Variants in JADE1 observed in about 807,000 individuals in gnomAD.
JADE1 encodes jade family PHD finger 1.
A neutral mutation model predicts 81.8 loss-of-function variants in JADE1; 14 were observed. The ratio of observed to expected loss-of-function variants is 0.17; its 90% CI spans 0.11 to 0.27. The LOEUF (loss-of-function observed/expected upper bound fraction) is 0.27. Among genes scored for constraint, JADE1 ranks in the 10% least tolerant of loss-of-function variants. The pLI is 1.00. For missense variants in JADE1, 690 were observed against 1,047.9 expected (o/e 0.66, Z 4.71); for synonymous variants, 353 against 391.9 (o/e 0.90, Z 1.17).
At chr4:128,844,970 G>C (rs1222089781) in intron 3 of JADE1, among the ~76,000 whole-genome samples, 1 of 152,210 alleles carries the variant, frequency 6.6e-6, no homozygotes, top group African/African-American at 2.4e-5. Context: ...ACTGTGCTTA[G>C]TAGCACAAGA....
At chr4:128,830,650 T>G (rs1372308599) in intron 1 of JADE1, among the ~76,000 whole-genome samples, 1 of 152,240 alleles carries the variant, frequency 6.6e-6, no homozygotes, top group Non-Finnish European at 1.5e-5. Context: ...CCATACTTTT[T>G]CTCACTTGAA....
In JADE1 at chr4:128,825,449, C is replaced by G. The variant is rs115956741; in HGVS notation, c.-26-6284C>G. Among the ~76,000 whole-genome samples the G allele has an allele frequency of 4.8e-3, 731 of 152,340 alleles. 5 individuals are homozygous for G. The highest frequency in any genetic ancestry group is 8.7e-3 in the Non-Finnish European group (594 of 68,026). On this transcript the variant is annotated intron_variant, in intron 1 of 10. Coordinates refer to ENST00000226319, the MANE Select transcript of JADE1 (RefSeq NM_199320.4). ...GCCCAGGTCACTGAACTTGTTCGCT[C>G]AAATTCCTGAGCCACCCTAGGGATG...
chr4:128,865,387 C>G (rs1368710486), intron 9 of JADE1, among the ~76,000 whole-genome samples: 1 of 152,096 alleles, frequency 6.6e-6, no homozygotes, highest in Admixed American at 6.5e-5. Context: ...AAGGGATGAT[C>G]AGGTTTAAGG....
intron 1 of JADE1, among the ~76,000 whole-genome samples, chr4:128,829,964 G>A (rs1229497224): frequency 3.3e-5 from 5 of 151,238 alleles, no homozygotes; most frequent in Admixed American, 6.6e-5. Context: ...TCCAACCTCC[G>A]CCTCCCGGGT....
At chr4:128,839,986 A>G in intron 2 of JADE1, among the ~76,000 whole-genome samples, 1 of 152,208 alleles carries the variant, frequency 6.6e-6, no homozygotes, top group East Asian at 1.9e-4. Context: ...TATTGTATCA[A>G]CACTAGGTAA....
At chr4:128,831,675 A>G in intron 1 of JADE1, 58 bp from the exon 2 acceptor site, 1 of 1,483,410 alleles carries the variant, frequency 6.7e-7, no homozygotes, top group Non-Finnish European at 9.4e-7. Flanking sequence ...CATCTGAAGC[A>G]CAACTTGATG....
chr4:128,860,952 T>C (rs959828230), intron 8 of JADE1, among the ~76,000 whole-genome samples: 2 of 152,210 alleles, frequency 1.3e-5, no homozygotes, highest in African/African-American at 4.8e-5. Flanking sequence ...TTTCCCTACC[T>C]TTCCTGTGCT....
rs1302197036 is a variant in JADE1 at position 128,873,768 on chromosome 4, C to CTGTT, written c.*1508_*1511dup. ...TCAGATTCCTGATTCATTTATACAT[C>CTGTT]TGTTTCCATATGGCAGGGACATTAT... is the stretch of plus-strand genomic sequence containing the variant. On this transcript the variant is annotated 3_prime_UTR_variant, in exon 11 of 11. Transcript: ENST00000226319. 6.6e-6 allele frequency: 1 copy of CTGTT among 152,472 alleles called. No individual in the cohort carries two copies. Among genetic ancestry groups the CTGTT allele is most frequent in the African/African-American group, 2.4e-5 (1 of 41,442 alleles). 9.4% of individuals were successfully genotyped at this position (152,472 alleles called of 1,614,324 possible). A position where few individuals can be genotyped will look rare whatever the true frequency, so the allele number is the denominator to read the frequency against.
intron 1 of JADE1, among the ~76,000 whole-genome samples, chr4:128,830,933 C>T (rs1365276465): frequency 1.3e-5 from 2 of 152,120 alleles, no homozygotes; most frequent in African/African-American, 2.4e-5. Flanking sequence ...TGGCCAGGTG[C>T]GCTGGGTCTT....
chr4:128,815,387 A>G (rs894736111), intron 1 of JADE1, among the ~76,000 whole-genome samples: 1 of 152,228 alleles, frequency 6.6e-6, no homozygotes, highest in African/African-American at 2.4e-5. Context: ...GGCGTGAGCC[A>G]CCGTGCCCGG....
chr4:128,859,411 GTGTATGCATGTGTGCATA>G (rs1168527395), intron 8 of JADE1, among the ~76,000 whole-genome samples: 11 of 152,216 alleles, frequency 7.2e-5, no homozygotes, highest in East Asian at 3.8e-4. Context: ...GCGTATGCGT[GTGTATGCATGTGTGCATA>G]TGTATGCATG....
At chr4:128,825,038 C>T (rs962042465) in intron 1 of JADE1, among the ~76,000 whole-genome samples, 2 of 152,072 alleles carry the variant, frequency 1.3e-5, no homozygotes, top group Non-Finnish European at 1.5e-5. Context: ...TTACCTTTCC[C>T]TTTTTTTGTT....
intron 1 of JADE1, among the ~76,000 whole-genome samples, chr4:128,824,144 C>G (rs537211657): frequency 6.6e-6 from 1 of 152,066 alleles, no homozygotes; most frequent in African/African-American, 2.4e-5. Context: ...AGTGGCAGGG[C>G]GCGGTGGCTC....
chr4:128,822,603 C>T (rs1235874157), intron 1 of JADE1, among the ~76,000 whole-genome samples: 2 of 151,662 alleles, frequency 1.3e-5, no homozygotes, highest in African/African-American at 2.4e-5. Flanking sequence ...CCTGTAATCC[C>T]AGCTACTAGG....
chr4:128,831,934 A>G lies in JADE1; in HGVS notation c.52+124A>G. ...CATGTCAGGCAGGTCAGAGAAAGCCAAAGCCTGGAGAAACGTACCTGAGTG... is the reference window on the plus strand; with the variant it reads ...CATGTCAGGCAGGTCAGAGAAAGCCGAAGCCTGGAGAAACGTACCTGAGTG... On this transcript the variant is annotated intron_variant, in intron 2 of 10. Transcript: ENST00000226319. The G allele has an allele frequency of 2.3e-5, 20 of 863,202 alleles. No individual in the cohort carries two copies. In the South Asian group the frequency reaches 2.9e-4, roughly 13 times the overall value. 53.5% of individuals were successfully genotyped at this position (863,202 alleles called of 1,614,324 possible). A position where few individuals can be genotyped will look rare whatever the true frequency, so the allele number is the denominator to read the frequency against.
At chr4:128,868,528 A>G (rs1579247975) in intron 10 of JADE1, among the ~76,000 whole-genome samples, 2 of 152,156 alleles carry the variant, frequency 1.3e-5, no homozygotes, top group East Asian at 3.9e-4. Flanking sequence ...AGTGTCTTCT[A>G]TTTTATATTG....
intron 1 of JADE1, among the ~76,000 whole-genome samples, chr4:128,815,951 G>T (rs1726993919): frequency 6.6e-6 from 1 of 151,110 alleles, no homozygotes; most frequent in Admixed American, 6.6e-5. Flanking sequence ...GTTACGTCAC[G>T]TTTAAACTTA....
At chr4:128,847,892 T>C (rs1163020078) in intron 4 of JADE1, among the ~76,000 whole-genome samples, 1 of 152,198 alleles carries the variant, frequency 6.6e-6, no homozygotes, top group African/African-American at 2.4e-5. Flanking sequence ...GAAATGCATA[T>C]GTGGAAGGAC....
intron 2 of JADE1, among the ~76,000 whole-genome samples, chr4:128,834,695 G>A (rs971094534): frequency 6.6e-6 from 1 of 151,640 alleles, no homozygotes; most frequent in African/African-American, 2.4e-5. Context: ...CACTGCACCC[G>A]GCTACTTTTT....
Sources: allele counts gnomAD v4.1 joint callset (sites outside exome capture counted in the v4.1 genomes callset), GRCh38; gene constraint gnomAD v4.1.1; transcripts MANE v1.5; gene names NCBI Gene and HGNC (gene_info 2026-07-23, HGNC 2026-07-21).